EXT1: variants seen among roughly 807,000 people sequenced by gnomAD.
The protein encoded by EXT1 is exostosin-1.
Under a neutral mutation model 82.5 loss-of-function variants are expected in EXT1, and 20 were observed. The ratio of observed to expected loss-of-function variants is 0.24; its 90% CI spans 0.17 to 0.35. The LOEUF (loss-of-function observed/expected upper bound fraction) is 0.35, where lower values mean the gene tolerates loss of function less well. EXT1 is among the 10% of genes least tolerant of loss of function. The pLI, the probability that EXT1 is intolerant of heterozygous loss-of-function variation, is 1.00. For synonymous variants in EXT1, 348 were observed against 350.8 expected (o/e 0.99, Z 0.09); for missense variants, 757 against 936.5 (o/e 0.81, Z 2.50).
chr8:118,087,106 G>A (rs879848912), intron 1 of EXT1, among the ~76,000 whole-genome samples: 1 of 152,180 alleles, frequency 6.6e-6, no homozygotes, highest in Admixed American at 6.5e-5. Context: ...CCCAGCGCTG[G>A]ATAGAAACAA....
chr8:117,915,917 G>A (rs1039328279), intron 1 of EXT1, among the ~76,000 whole-genome samples: 3 of 146,388 alleles, frequency 2.0e-5, no homozygotes, highest in Non-Finnish European at 3.1e-5. Flanking sequence ...TTGTGATAAA[G>A]TCTGAAATAT....
At chr8:118,049,877 C>T (rs933174368) in intron 1 of EXT1, among the ~76,000 whole-genome samples, 1 of 152,108 alleles carries the variant, frequency 6.6e-6, no homozygotes, top group Non-Finnish European at 1.5e-5. Context: ...CTGACTGTCT[C>T]GGAGGCACAG....
Position 118,037,683 on chromosome 8 carries a change from G to GT in EXT1, c.962+72401dup, listed in dbSNP as rs1411404687. Reference sequence around the variant, plus strand: ...CACATTAGGCAAAATCAAATATAAAGTTCTCCACTGAAAACCGAAAGACTC... The same window carrying GT: ...CACATTAGGCAAAATCAAATATAAAGTTTCTCCACTGAAAACCGAAAGACTC... On this transcript the variant is annotated intron_variant, in intron 1 of 10. Coordinates refer to ENST00000378204, the MANE Select transcript of EXT1 (RefSeq NM_000127.3). Among the ~76,000 whole-genome samples the GT allele has an allele frequency of 2.0e-5, 3 of 152,170 alleles. No individual in the cohort carries two copies. In the East Asian group the frequency reaches 5.8e-4, roughly 29 times the overall value.
At chr8:117,826,038 T>G (rs1158884018) in intron 4 of EXT1, among the ~76,000 whole-genome samples, 1 of 152,198 alleles carries the variant, frequency 6.6e-6, no homozygotes, top group Non-Finnish European at 1.5e-5. Flanking sequence ...GGAGCACTGT[T>G]TTTGCAGTGT....
chr8:117,936,556 A>G (rs1231768703), intron 1 of EXT1, among the ~76,000 whole-genome samples: 1 of 152,208 alleles, frequency 6.6e-6, no homozygotes, highest in Non-Finnish European at 1.5e-5. Context: ...CTCTATTTTT[A>G]GGAAGATAAG....
intron 1 of EXT1, among the ~76,000 whole-genome samples, chr8:118,052,950 C>A (rs1816742248): frequency 6.6e-6 from 1 of 152,136 alleles, no homozygotes; most frequent in African/African-American, 2.4e-5. Flanking sequence ...GTTGGGGGAT[C>A]CTTGTTTGAA....
At chr8:117,879,440 T>C (rs1193320193) in intron 1 of EXT1, among the ~76,000 whole-genome samples, 2 of 150,186 alleles carry the variant, frequency 1.3e-5, no homozygotes. Context: ...CCTTTCCACA[T>C]GAAAAAAAAA....
intron 1 of EXT1, among the ~76,000 whole-genome samples, chr8:117,952,206 C>T (rs1814503248): frequency 6.6e-6 from 1 of 152,178 alleles, no homozygotes; most frequent in African/African-American, 2.4e-5. Context: ...AAATACACAT[C>T]ACCACATTCT....
intron 1 of EXT1, among the ~76,000 whole-genome samples, chr8:117,875,155 G>A (rs1008122657): frequency 5.9e-5 from 9 of 151,918 alleles, no homozygotes; most frequent in Non-Finnish European, 5.9e-5. Flanking sequence ...CGTGGCTCAC[G>A]CCTGTAATCC....
chr8:117,982,319 G>T (rs2129769314), intron 1 of EXT1, among the ~76,000 whole-genome samples: 1 of 152,292 alleles, frequency 6.6e-6, no homozygotes, highest in South Asian at 2.1e-4. Flanking sequence ...TTGCGTCCTT[G>T]CCTACGCTCC....
intron 1 of EXT1, among the ~76,000 whole-genome samples, chr8:117,915,657 C>T (rs1813733796): frequency 6.6e-6 from 1 of 152,156 alleles, no homozygotes; most frequent in Non-Finnish European, 1.5e-5. Context: ...GAGTTCGAGA[C>T]CAGCCTAACC....
rs71530890 is a variant in EXT1, at chr8:117,970,609, A to G, written c.963-133408T>C. Among the ~76,000 whole-genome samples, 1,474 of 152,240 alleles carry G rather than the reference A, an allele frequency of 9.7e-3. 12 individuals carry two copies. The highest frequency in any genetic ancestry group is 0.017 in the Middle Eastern group (5 of 294). On this transcript the variant is annotated intron_variant, in intron 1 of 10. Coordinates refer to ENST00000378204, the MANE Select transcript of EXT1 (RefSeq NM_000127.3). ...CGTGAGCCACCATGCCCGGCCAGGA[A>G]TCTGAATTTTCAACAGGGGCTTTCA...
chr8:118,065,586 C>G (rs1257584941), intron 1 of EXT1, among the ~76,000 whole-genome samples: 1 of 152,158 alleles, frequency 6.6e-6, no homozygotes, highest in Non-Finnish European at 1.5e-5. Context: ...CCAAATGAAT[C>G]TAAGAATCTG....
chr8:117,994,246 G>A (rs906752715), intron 1 of EXT1, among the ~76,000 whole-genome samples: 1 of 152,168 alleles, frequency 6.6e-6, no homozygotes, highest in African/African-American at 2.4e-5. Context: ...CTATTGGGAG[G>A]GCTACTCTAG....
intron 1 of EXT1, among the ~76,000 whole-genome samples, chr8:117,958,794 T>C (rs1051029625): frequency 6.6e-6 from 1 of 152,244 alleles, no homozygotes; most frequent in Non-Finnish European, 1.5e-5. Flanking sequence ...AAGTATGTAA[T>C]TTACTAAAGT....
At chr8:118,091,707 T>A (rs1246488290) in intron 1 of EXT1, among the ~76,000 whole-genome samples, 1 of 152,142 alleles carries the variant, frequency 6.6e-6, no homozygotes. Context: ...ATCGCACCAT[T>A]GCACTCCAGC....
intron 1 of EXT1, among the ~76,000 whole-genome samples, chr8:118,062,547 C>T (rs1432441432): frequency 6.6e-6 from 1 of 152,108 alleles, no homozygotes; most frequent in African/African-American, 2.4e-5. Context: ...AAAAGACCCC[C>T]GTCTTTTTCA....
intron 1 of EXT1, among the ~76,000 whole-genome samples, chr8:117,889,976 C>T (rs765122525): frequency 6.6e-6 from 1 of 152,048 alleles, no homozygotes; most frequent in Non-Finnish European, 1.5e-5. Flanking sequence ...CTGACAAAAC[C>T]ACTTAGAATA....
At chr8:118,100,415 G>A (rs375330298) in intron 1 of EXT1, among the ~76,000 whole-genome samples, 16 of 152,098 alleles carry the variant, frequency 1.1e-4, no homozygotes, top group East Asian at 3.9e-4. Flanking sequence ...ACTCACACAC[G>A]GTGTCCCTCC....
Sources: allele counts gnomAD v4.1 joint callset (sites outside exome capture counted in the v4.1 genomes callset), GRCh38; gene constraint gnomAD v4.1.1; transcripts MANE v1.5; gene names NCBI Gene and HGNC (gene_info 2026-07-23, HGNC 2026-07-21).